Variants in CNTNAP2 observed in about 807,000 individuals in gnomAD.
CNTNAP2 encodes contactin-associated protein-like 2.
Under a neutral mutation model 155.2 loss-of-function variants are expected in CNTNAP2, and 98 were observed. That is an observed-to-expected ratio of 0.63 (90% CI 0.54 to 0.75). CNTNAP2 has a LOEUF of 0.75. CNTNAP2 is among the 30% of genes least tolerant of loss of function. The pLI, the probability that CNTNAP2 is intolerant of heterozygous loss-of-function variation, is 0.00. For synonymous variants in CNTNAP2, 651 were observed against 631.2 expected (o/e 1.03, Z -0.47); for missense variants, 1,727 against 1,688.1 (o/e 1.02, Z -0.40).
chr7:147,710,497 A>G (rs1315231504), intron 13 of CNTNAP2, among the ~76,000 whole-genome samples: 1 of 152,144 alleles, frequency 6.6e-6, no homozygotes, highest in Non-Finnish European at 1.5e-5. Context: ...CAAGCCTTCA[A>G]ACCTCAGCTT....
chr7:148,030,343 A>G (rs1218505061), intron 15 of CNTNAP2, among the ~76,000 whole-genome samples: 2 of 152,210 alleles, frequency 1.3e-5, no homozygotes, highest in Non-Finnish European at 2.9e-5. Context: ...TTGGAATTTA[A>G]TTAAAAGAAA....
intron 21 of CNTNAP2, among the ~76,000 whole-genome samples, chr7:148,314,515 G>A (rs1316783230): frequency 2.6e-5 from 4 of 152,090 alleles, no homozygotes; most frequent in Non-Finnish European, 4.4e-5. Context: ...GAGAAGAAGG[G>A]GGAATGGAGG....
intron 14 of CNTNAP2, among the ~76,000 whole-genome samples, chr7:147,973,248 T>C (rs1344085070): frequency 6.6e-6 from 1 of 151,784 alleles, no homozygotes; most frequent in Non-Finnish European, 1.5e-5. Context: ...TTTCATGAAT[T>C]AGTTTCCACA....
intron 17 of CNTNAP2, among the ~76,000 whole-genome samples, chr7:148,170,669 G>A (rs1193382605): frequency 6.6e-6 from 1 of 152,216 alleles, no homozygotes; most frequent in Non-Finnish European, 1.5e-5. Context: ...CCCAGTGAGA[G>A]AACTGCAAGG....
At chr7:146,650,071 T>TA (rs1325128197) in intron 1 of CNTNAP2, among the ~76,000 whole-genome samples, 1 of 151,968 alleles carries the variant, frequency 6.6e-6, no homozygotes, top group African/African-American at 2.4e-5. Flanking sequence ...GGTGGGAGTG[T>TA]TATTTAGTTA....
At chr7:147,351,700 A>G (rs1377129982) in intron 9 of CNTNAP2, among the ~76,000 whole-genome samples, 2 of 151,784 alleles carry the variant, frequency 1.3e-5, no homozygotes, top group Non-Finnish European at 3.0e-5. Flanking sequence ...TCAGTTAATC[A>G]ATAATTTGTA....
At chr7:147,702,466 C>T (rs375793745) in intron 13 of CNTNAP2, among the ~76,000 whole-genome samples, 11 of 151,444 alleles carry the variant, frequency 7.3e-5, no homozygotes, top group East Asian at 5.8e-4. Flanking sequence ...AGATATGGTC[C>T]CACATATGTT....
At chr7:147,869,772 T>C (rs1386831730) in intron 13 of CNTNAP2, among the ~76,000 whole-genome samples, 5 of 152,200 alleles carry the variant, frequency 3.3e-5, no homozygotes, top group Non-Finnish European at 7.3e-5. Context: ...AAAACATAGA[T>C]TGCAGATAAT....
At chr7:148,014,173 C>T (rs1393088466) in intron 15 of CNTNAP2, 1 of 151,594 alleles carries the variant, frequency 6.6e-6, no homozygotes, top group Non-Finnish European at 1.5e-5. Flanking sequence ...AAACGAAAAT[C>T]TGGAACAGAA....
At chr7:148,184,073 C>T (rs1795080176) in intron 18 of CNTNAP2, among the ~76,000 whole-genome samples, 1 of 152,086 alleles carries the variant, frequency 6.6e-6, no homozygotes, top group Non-Finnish European at 1.5e-5. Context: ...CTAGTGGACA[C>T]CTTCCCCTTG....
chr7:146,694,266 A>G (rs531542146), intron 1 of CNTNAP2, among the ~76,000 whole-genome samples: 5 of 152,350 alleles, frequency 3.3e-5, no homozygotes, highest in African/African-American at 1.2e-4. Context: ...TGTGTAAACA[A>G]TACTTTTCAT....
intron 1 of CNTNAP2, among the ~76,000 whole-genome samples, chr7:146,626,637 T>G (rs1799424165): frequency 6.6e-6 from 1 of 152,070 alleles, no homozygotes; most frequent in Admixed American, 6.6e-5. Flanking sequence ...GCTTAGTTAT[T>G]TACACAAAAT....
chr7:147,419,376 A>C (rs1797250764), intron 10 of CNTNAP2, among the ~76,000 whole-genome samples: 1 of 152,116 alleles, frequency 6.6e-6, no homozygotes, highest in African/African-American at 2.4e-5. Flanking sequence ...CCTTATATTC[A>C]ACAACAAAGA....
intron 11 of CNTNAP2, among the ~76,000 whole-genome samples, chr7:147,544,648 A>G (rs563177224): frequency 6.6e-6 from 1 of 151,816 alleles, no homozygotes; most frequent in South Asian, 2.1e-4. Flanking sequence ...TATATATGTG[A>G]TAAGATTTGG....
intron 13 of CNTNAP2, among the ~76,000 whole-genome samples, chr7:147,697,281 CT>C (rs965254613): frequency 6.6e-5 from 10 of 152,028 alleles, no homozygotes; most frequent in African/African-American, 2.4e-4. Flanking sequence ...TCTGACATGT[CT>C]TTTTTTTCCT....
chr7:147,009,306 A>G (rs1204824586), intron 3 of CNTNAP2, among the ~76,000 whole-genome samples: 1 of 152,120 alleles, frequency 6.6e-6, no homozygotes, highest in African/African-American at 2.4e-5. Context: ...TGCTTATAAA[A>G]CATCAGATTT....
At chr7:148,026,099 A>T (rs990556257) in intron 15 of CNTNAP2, among the ~76,000 whole-genome samples, 1 of 152,194 alleles carries the variant, frequency 6.6e-6, no homozygotes, top group Non-Finnish European at 1.5e-5. Context: ...GCAGATTTAC[A>T]TCACTGCCTT....
intron 1 of CNTNAP2, among the ~76,000 whole-genome samples, chr7:146,704,774 A>G (rs1281410961): frequency 6.6e-6 from 1 of 152,154 alleles, no homozygotes; most frequent in African/African-American, 2.4e-5. Flanking sequence ...TTCTAATTCT[A>G]TATTAGGATG....
At chr7:147,773,354 T>C (rs1010820057) in intron 13 of CNTNAP2, among the ~76,000 whole-genome samples, 3 of 152,104 alleles carry the variant, frequency 2.0e-5, no homozygotes, top group Non-Finnish European at 4.4e-5. Context: ...TAGTTAGTTA[T>C]AACTAGAGGT....
Sources: allele counts gnomAD v4.1 joint callset (sites outside exome capture counted in the v4.1 genomes callset), GRCh38; gene constraint gnomAD v4.1.1; transcripts MANE v1.5; gene names NCBI Gene and HGNC (gene_info 2026-07-23, HGNC 2026-07-21).